ADAM9: variants seen among roughly 807,000 people sequenced by gnomAD.
ADAM9 encodes ADAM metallopeptidase domain 9.
A neutral mutation model predicts 108.1 loss-of-function variants in ADAM9; 54 were observed. The observed-to-expected ratio is 0.50, with a 90% CI of 0.40 to 0.63. The LOEUF is 0.63. ADAM9 is among the 20% of genes least tolerant of loss of function. ADAM9 has a pLI of 0.00. For synonymous variants in ADAM9, 316 were observed against 336.0 expected (o/e 0.94, Z 0.65); for missense variants, 830 against 997.7 (o/e 0.83, Z 2.26).
In ADAM9 at chr8:39,045,168, A is replaced by G. The variant is rs563461742; in HGVS notation, c.1302+3051A>G. Reference sequence around the variant, plus strand: ...TGTATATATGTGTATACATACATATATGTGTATATATGTGTATACATACAT... The same window carrying G: ...TGTATATATGTGTATACATACATATGTGTGTATATATGTGTATACATACAT... On this transcript the variant is annotated intron_variant, in intron 12 of 21. Coordinates refer to ENST00000487273, the MANE Select transcript of ADAM9 (RefSeq NM_003816.3). 4.0e-4 allele frequency among the ~76,000 whole-genome samples: 39 copies of G among 96,298 alleles called. 1 individual carries two copies. The highest frequency in any genetic ancestry group is 1.1e-3 in the South Asian group (3 of 2,778). 63.2% of individuals were successfully genotyped at this position (96,298 alleles called of 152,430 possible).
chr8:39,089,640 T>C, intron 18 of ADAM9: 2 of 212,916 alleles, frequency 9.4e-6, no homozygotes, highest in Non-Finnish European at 1.9e-5. Flanking sequence ...ACAAGTTAAA[T>C]AAACTCTAGA....
In ADAM9 at chr8:39,048,345, T is replaced by C. The variant is rs981131466; in HGVS notation, c.1303-6136T>C. On this transcript the variant is annotated intron_variant, in intron 12 of 21. Transcript: ENST00000487273. ...TTGTTCCACAGTGTGTTGTTTAATT[T>C]CCACATATTGGTGAATTTTCCATTT... is the stretch of plus-strand genomic sequence containing the variant. 3.9e-5 allele frequency among the ~76,000 whole-genome samples: 6 copies of C among 152,236 alleles called. No individual in the cohort carries two copies. In the South Asian group the frequency reaches 1.2e-3, roughly 32 times the overall value.
chr8:39,034,153 G>T (rs1837194671), intron 11 of ADAM9, among the ~76,000 whole-genome samples: 1 of 152,112 alleles, frequency 6.6e-6, no homozygotes, highest in Non-Finnish European at 1.5e-5. Flanking sequence ...TTAGCCTCCT[G>T]ATGTGCTGGG....
chr8:39,040,832 G>C (rs562845091), intron 11 of ADAM9, among the ~76,000 whole-genome samples: 1 of 152,294 alleles, frequency 6.6e-6, no homozygotes, highest in African/African-American at 2.4e-5. Context: ...AGGGCACCAG[G>C]AGGATACAAT....
chr8:39,083,724 G>C (rs1261668306), intron 18 of ADAM9, among the ~76,000 whole-genome samples: 2 of 152,140 alleles, frequency 1.3e-5, no homozygotes, highest in African/African-American at 4.8e-5. Context: ...CTATCTGTTA[G>C]CACTAATTGC....
In ADAM9 at chr8:39,048,767, T is replaced by G. The variant is rs567534398; in HGVS notation, c.1303-5714T>G. On this transcript the variant is annotated intron_variant, in intron 12 of 21. Transcript: ENST00000487273. The stretch of plus-strand genomic sequence containing the variant: ...TTTAGGTGCTCTAATGCTGGGTGCA[T>G]ATATATTTATTATTGTTATATCTTC... Among the ~76,000 whole-genome samples the G allele has an allele frequency of 4.6e-5, 7 of 152,274 alleles. No individual in the cohort carries two copies. In the South Asian group the frequency reaches 8.3e-4, roughly 18 times the overall value.
At chr8:38,997,991 C>T (rs1835877021) in intron 1 of ADAM9, among the ~76,000 whole-genome samples, 1 of 152,186 alleles carries the variant, frequency 6.6e-6, no homozygotes, top group Non-Finnish European at 1.5e-5. Flanking sequence ...AGATTGTCAG[C>T]ACGCTGGCGT....
chr8:39,016,511 G>C (rs1335015441), intron 5 of ADAM9, among the ~76,000 whole-genome samples: 1 of 152,010 alleles, frequency 6.6e-6, no homozygotes, highest in Non-Finnish European at 1.5e-5. Context: ...TATTATTTAA[G>C]ACTTGTATTT....
chr8:39,065,665 A>G (rs1838443442), intron 14 of ADAM9, among the ~76,000 whole-genome samples: 1 of 150,428 alleles, frequency 6.6e-6, no homozygotes, highest in South Asian at 2.1e-4. Context: ...ATCTCAAAAA[A>G]AAAAAAAAAA....
intron 16 of ADAM9, among the ~76,000 whole-genome samples, chr8:39,081,599 T>C (rs1839026636): frequency 6.6e-6 from 1 of 152,222 alleles, no homozygotes; most frequent in Non-Finnish European, 1.5e-5. Flanking sequence ...TTCTGTAATT[T>C]TGGAATTTTA....
At chr8:38,997,371 C>T (rs897856249) in intron 1 of ADAM9, among the ~76,000 whole-genome samples, 1 of 152,126 alleles carries the variant, frequency 6.6e-6, no homozygotes, top group Admixed American at 6.5e-5. Context: ...GGGTCCTCTG[C>T]CCGGCACCGC....
chr8:39,062,869 C>T (rs140112167), intron 14 of ADAM9, among the ~76,000 whole-genome samples: 3 of 152,228 alleles, frequency 2.0e-5, no homozygotes, highest in African/African-American at 7.2e-5. Flanking sequence ...AGTGACAAAT[C>T]GACTCAAACA....
At chr8:39,024,207 T>G (rs954816272) in intron 9 of ADAM9, among the ~76,000 whole-genome samples, 1 of 152,200 alleles carries the variant, frequency 6.6e-6, no homozygotes, top group South Asian at 2.1e-4. Context: ...CTTCTCTTGG[T>G]TCCCAGGCTT....
At chr8:39,054,802 GTAACATATGCCTGTTAGAAA>G (rs1428580468) in intron 13 of ADAM9, among the ~76,000 whole-genome samples, 1 of 151,960 alleles carries the variant, frequency 6.6e-6, no homozygotes, top group Non-Finnish European at 1.5e-5. Context: ...GATTTTTAGA[GTAACATATGCCTGTTAGAAA>G]TAATTAAATA....
chr8:39,096,045 C>T (rs1184015847), intron 20 of ADAM9, among the ~76,000 whole-genome samples: 1 of 150,762 alleles, frequency 6.6e-6, no homozygotes, highest in Non-Finnish European at 1.5e-5. Context: ...TTCCTTCTTC[C>T]CTTGCTGCAT....
chr8:39,096,880 T>C (rs958470812), intron 20 of ADAM9, among the ~76,000 whole-genome samples: 1 of 152,206 alleles, frequency 6.6e-6, no homozygotes, highest in African/African-American at 2.4e-5. Flanking sequence ...CTCATTTTGT[T>C]CATACATCAT....
intron 11 of ADAM9, among the ~76,000 whole-genome samples, chr8:39,029,823 A>T (rs1459790931): frequency 1.3e-5 from 2 of 152,036 alleles, no homozygotes; most frequent in Non-Finnish European, 2.9e-5. Flanking sequence ...TGCTAGGGAT[A>T]TTGACTTACA....
At chr8:39,087,186 C>T (rs1300993090) in intron 18 of ADAM9, among the ~76,000 whole-genome samples, 7 of 152,200 alleles carry the variant, frequency 4.6e-5, no homozygotes, top group South Asian at 2.1e-4. Context: ...TGCCCACACC[C>T]GAGTGTCTGT....
intron 14 of ADAM9, among the ~76,000 whole-genome samples, chr8:39,060,392 G>A (rs546099857): frequency 5.3e-4 from 81 of 152,246 alleles, no homozygotes; most frequent in Non-Finnish European, 8.5e-4. Context: ...CTTTGTTCTG[G>A]GCCCAGCTCA....
Sources: allele counts gnomAD v4.1 joint callset (sites outside exome capture counted in the v4.1 genomes callset), GRCh38; gene constraint gnomAD v4.1.1; transcripts MANE v1.5; gene names NCBI Gene and HGNC (gene_info 2026-07-23, HGNC 2026-07-21).